OPHN1: variants seen among roughly 807,000 people sequenced by gnomAD.
OPHN1 encodes oligophrenin 1, also known as oligophrenin-1.
OPHN1 carries 11 observed loss-of-function variants against 60.7 expected under a neutral mutation model. The observed-to-expected ratio is 0.18, with a 90% CI of 0.11 to 0.30. The LOEUF is 0.30. OPHN1 is among the 10% of genes least tolerant of loss of function. The pLI is 1.00. For synonymous variants in OPHN1, 226 were observed against 222.6 expected, an observed-to-expected ratio of 1.02 and a Z score of -0.14; for missense variants, 449 against 611.0, an observed-to-expected ratio of 0.73 and a Z score of 2.80.
chrX:68,302,877 T>C (rs1455134511), intron 2 of OPHN1, among the ~76,000 whole-genome samples: 2 of 111,312 alleles, frequency 1.8e-5, no homozygotes, highest in African/African-American at 6.5e-5. Flanking sequence ...TGAGCTGTGA[T>C]CATGCTATTG....
intron 15 of OPHN1, among the ~76,000 whole-genome samples, chrX:68,176,973 C>CATACATAT (rs2077417018): frequency 1.0e-5 from 1 of 99,161 alleles, no homozygotes; most frequent in Non-Finnish European, 2.0e-5. Flanking sequence ...TTTATATATA[C>CATACATAT]ATATATATAT....
chrX:68,103,309 CT>C (rs1203016568), intron 18 of OPHN1, among the ~76,000 whole-genome samples: 1 of 111,547 alleles, frequency 9.0e-6, no homozygotes, highest in Non-Finnish European at 1.9e-5. Flanking sequence ...CAGAAAGGGC[CT>C]TTGATAAATT....
At chrX:68,367,021 G>A (rs1344883265) in intron 2 of OPHN1, among the ~76,000 whole-genome samples, 2 of 110,573 alleles carry the variant, frequency 1.8e-5, no homozygotes, top group Non-Finnish European at 3.8e-5. Flanking sequence ...GCAAAATGGT[G>A]GACCAGGAAG....
chrX:68,167,369 A>T (rs1375141584), intron 15 of OPHN1, among the ~76,000 whole-genome samples: 2 of 111,546 alleles, frequency 1.8e-5, no homozygotes, highest in Non-Finnish European at 3.8e-5. Context: ...GGATGTGGAG[A>T]AAAAGGAAAC....
intron 21 of OPHN1, among the ~76,000 whole-genome samples, chrX:68,059,885 C>A (rs1291271339): frequency 8.9e-6 from 1 of 111,762 alleles, no homozygotes; most frequent in Non-Finnish European, 1.9e-5. Flanking sequence ...GCTCCATGCT[C>A]CTACTAGAAT....
chrX:68,238,480 GATTA>G (rs993675289), intron 5 of OPHN1, among the ~76,000 whole-genome samples: 4 of 109,583 alleles, frequency 3.7e-5, no homozygotes, highest in Non-Finnish European at 7.6e-5. Flanking sequence ...TTAATTTATA[GATTA>G]ATTAGAGGAG....
intron 2 of OPHN1, among the ~76,000 whole-genome samples, chrX:68,375,388 T>A (rs1012737475): frequency 1.8e-5 from 2 of 111,345 alleles, no homozygotes; most frequent in African/African-American, 6.5e-5. Context: ...TCCTAGCTAC[T>A]TGGGAGGCTG....
At chrX:68,151,960 G>A (rs58993207) in intron 15 of OPHN1, among the ~76,000 whole-genome samples, 31,952 of 109,940 alleles carry the variant, frequency 0.29, 6,017 homozygotes, top group African/African-American at 0.68. Flanking sequence ...GGAAGCAGGC[G>A]TGTCTACATG....
At position 68,274,356 on chromosome X, in the gene OPHN1, A is replaced by G. The variant is rs1321547559; in HGVS notation, c.384+382T>C. Among the ~76,000 whole-genome samples, 3 of 112,315 alleles carry G rather than the reference A, an allele frequency of 2.7e-5. No individual in the cohort carries two copies. The East Asian group carries it at 8.4e-4, about 31-fold the overall frequency. On this transcript the variant is annotated intron_variant, in intron 5 of 24. Transcript: ENST00000355520. ...GCTCAATATAGCAGGCAGTTGATAC[A>G]TGATAGCTAGCTAGTTTTCCAGACA...
rs576138038 is a variant in OPHN1 at position 68,251,379 on chromosome X, T to C, written c.385-16791A>G. Reference sequence around the variant, plus strand: ...TTTTGTATTTTTAGTAGAGACGGGATTTCACCATGTTGGCCAAGATGGTCT... The same window carrying C: ...TTTTGTATTTTTAGTAGAGACGGGACTTCACCATGTTGGCCAAGATGGTCT... On this transcript the variant is annotated intron_variant, in intron 5 of 24. Coordinates refer to ENST00000355520, the MANE Select transcript of OPHN1 (RefSeq NM_002547.3). Among the ~76,000 whole-genome samples, 173 of 108,580 alleles carry C rather than the reference T, an allele frequency of 1.6e-3. 1 individual carries two copies. The highest frequency in any genetic ancestry group is 5.5e-3 in the African/African-American group (163 of 29,772). The allele number at this position is 108,580 out of a possible 115,157, so 94.3% of individuals were successfully genotyped here.
Position 68,149,818 on chromosome X carries a change from A to T in OPHN1, c.1277-30486T>A, listed in dbSNP as rs1388689118. On this transcript the variant is annotated intron_variant, in intron 15 of 24. Transcript: ENST00000355520. ...GTTATATACCAAAAAAAAAAAATTT[A>T]AAACAGACACTCAAACAAGTACATG... Among the ~76,000 whole-genome samples, 6 of 111,416 alleles carry T rather than the reference A, an allele frequency of 5.4e-5. No homozygotes were observed. In the Admixed American group the frequency reaches 5.8e-4, roughly 11 times the overall value.
chrX:68,097,042 A>C lies in OPHN1; in HGVS notation c.1527-13T>G. On this transcript the variant is annotated splice_polypyrimidine_tract_variant and intron_variant, in intron 18 of 24. Transcript: ENST00000355520. Reference sequence around the variant, plus strand: ...GTGCTCACACACACTGCCAGAAGAAAAGGGGCAAGATTAACAAAATTTGCT... The same window carrying C: ...GTGCTCACACACACTGCCAGAAGAACAGGGGCAAGATTAACAAAATTTGCT... 1 of 1,201,708 alleles carries C rather than the reference A, an allele frequency of 8.3e-7. No individual in the cohort carries two copies. The highest frequency in any genetic ancestry group is 1.1e-6 in the Non-Finnish European group (1 of 890,404).
At chrX:68,287,541 T>G (rs2078050840) in intron 3 of OPHN1, among the ~76,000 whole-genome samples, 2 of 109,878 alleles carry the variant, frequency 1.8e-5, no homozygotes, top group Non-Finnish European at 3.8e-5. Context: ...AAGAGTAAAC[T>G]CTGAGTCAAC....
chrX:68,412,394 A>G (rs1000480504), intron 2 of OPHN1, among the ~76,000 whole-genome samples: 2 of 112,181 alleles, frequency 1.8e-5, no homozygotes, highest in Admixed American at 1.9e-4. Flanking sequence ...CAAAAACTGT[A>G]TACTTTCCTT....
chrX:68,217,182 A>C (rs1450506844), intron 6 of OPHN1, among the ~76,000 whole-genome samples: 2 of 111,810 alleles, frequency 1.8e-5, no homozygotes, highest in Admixed American at 1.9e-4. Context: ...GCACCTGGAA[A>C]ATCGGGTCAC....
intron 10 of OPHN1, among the ~76,000 whole-genome samples, chrX:68,203,142 C>G (rs1254672989): frequency 1.8e-5 from 2 of 110,935 alleles, no homozygotes; most frequent in African/African-American, 6.6e-5. Flanking sequence ...GTAATCCCAG[C>G]TACTTGGGAG....
chrX:68,291,737 C>T (rs1327322034), intron 3 of OPHN1, among the ~76,000 whole-genome samples: 1 of 110,287 alleles, frequency 9.1e-6, no homozygotes, highest in Non-Finnish European at 1.9e-5. Flanking sequence ...TCATATATAG[C>T]ATCAATCTCC....
chrX:68,358,355 AAAAT>A (rs1157261819), intron 2 of OPHN1, among the ~76,000 whole-genome samples: 2 of 110,033 alleles, frequency 1.8e-5, no homozygotes, highest in Non-Finnish European at 3.8e-5. Context: ...AGAAAGAAAG[AAAAT>A]AAATAGTCAA....
At chrX:68,255,017 G>GAAA (rs748466618) in intron 5 of OPHN1, among the ~76,000 whole-genome samples, 5 of 32,928 alleles carry the variant, frequency 1.5e-4, no homozygotes, top group Admixed American at 4.2e-4. Context: ...TCTGCCTCAA[G>GAAA]AAAAAAAAAA....
Sources: gnomAD v4.1 joint callset for allele counts (sites outside exome capture counted in the v4.1 genomes callset) on GRCh38, gnomAD v4.1.1 for gene constraint, MANE v1.5 for transcripts, NCBI Gene and HGNC (gene_info 2026-07-23, HGNC 2026-07-21) for gene names.